The following SPATA13 variants were observed in gnomAD, a reference collection of about 807,000 sequenced individuals.
SPATA13 encodes spermatogenesis associated 13.
In SPATA13, 50 loss-of-function variants were observed where a neutral mutation model predicts 104.0. That is an observed-to-expected ratio of 0.48 (90% CI 0.38 to 0.61). The LOEUF is 0.61. Among genes scored for constraint, SPATA13 ranks in the 20% least tolerant of loss-of-function variants. The pLI is 0.00. For synonymous variants in SPATA13, 606 were observed against 667.5 expected (o/e 0.91, Z 1.42); for missense variants, 1,524 against 1,690.6 (o/e 0.90, Z 1.73).
intron 3 of SPATA13, among the ~76,000 whole-genome samples, chr13:24,055,869 G>A (rs1294699496): frequency 7.9e-5 from 12 of 152,346 alleles, no homozygotes; most frequent in African/African-American, 2.9e-4. Flanking sequence ...ACCACCGCAC[G>A]GGTCCAGAAT....
At chr13:24,041,625 A>C (rs931182652) in intron 3 of SPATA13, among the ~76,000 whole-genome samples, 5 of 152,174 alleles carry the variant, frequency 3.3e-5, no homozygotes, top group Non-Finnish European at 7.3e-5. Flanking sequence ...TTTTCTTTTC[A>C]TTCTTTTTCT....
intron 3 of SPATA13, among the ~76,000 whole-genome samples, chr13:24,086,881 G>C (rs567250517): frequency 6.6e-6 from 1 of 152,152 alleles, no homozygotes; most frequent in Non-Finnish European, 1.5e-5. Context: ...GTGGAGCAGC[G>C]AGGTCAGAGG....
chr13:24,213,310 A>C (rs986179736), intron 1 of SPATA13, among the ~76,000 whole-genome samples: 3 of 152,200 alleles, frequency 2.0e-5, no homozygotes, highest in African/African-American at 7.2e-5. Flanking sequence ...TCTGAAACCC[A>C]GGCTGGAGTG....
chr13:24,132,109 C>T (rs1198125047), intron 3 of SPATA13, among the ~76,000 whole-genome samples: 1 of 152,188 alleles, frequency 6.6e-6, no homozygotes, highest in East Asian at 1.9e-4. Context: ...TTTCCCTTTG[C>T]CCTTCTCCCT....
At chr13:23,982,269 C>T (rs1219220355) in intron 1 of SPATA13, among the ~76,000 whole-genome samples, 2 of 152,196 alleles carry the variant, frequency 1.3e-5, no homozygotes, top group Non-Finnish European at 2.9e-5. Context: ...GCTGGTCCTG[C>T]ATGAAGACTT....
intron 1 of SPATA13, among the ~76,000 whole-genome samples, chr13:24,199,325 C>G (rs1023869798): frequency 2.0e-5 from 3 of 152,280 alleles, no homozygotes; most frequent in African/African-American, 7.2e-5. Context: ...TGCTAGATGG[C>G]CTGTTCTCTG....
intron 10 of SPATA13, among the ~76,000 whole-genome samples, chr13:24,296,761 C>T (rs938923367): frequency 2.0e-5 from 3 of 151,960 alleles, no homozygotes; most frequent in Admixed American, 6.6e-5. Flanking sequence ...CTAGGAAGAC[C>T]CCTCAGCTAA....
intron 2 of SPATA13, among the ~76,000 whole-genome samples, chr13:24,229,368 T>C (rs1171750279): frequency 2.0e-5 from 3 of 152,188 alleles, no homozygotes; most frequent in Non-Finnish European, 2.9e-5. Context: ...CCTGGCTCTA[T>C]TATTAAAAGA....
At chr13:24,006,966 G>A (rs963704939) in intron 2 of SPATA13, among the ~76,000 whole-genome samples, 1 of 152,214 alleles carries the variant, frequency 6.6e-6, no homozygotes, top group East Asian at 1.9e-4. Context: ...TTCTGGGCCA[G>A]CCTCCCCCAT....
chr13:24,281,652 G>A (rs2138722569), intron 4 of SPATA13, among the ~76,000 whole-genome samples: 1 of 152,262 alleles, frequency 6.6e-6, no homozygotes, highest in South Asian at 2.1e-4. Context: ...CTCTGAGAGG[G>A]GCACCCCAGG....
intron 2 of SPATA13, among the ~76,000 whole-genome samples, chr13:24,247,350 A>G (rs1873194149): frequency 6.6e-6 from 1 of 152,064 alleles, no homozygotes; most frequent in South Asian, 2.1e-4. Flanking sequence ...CTTTGTTGCC[A>G]CTGATTAACT....
chr13:24,293,230 GAA>G (rs528492219), intron 9 of SPATA13, among the ~76,000 whole-genome samples: 2 of 130,630 alleles, frequency 1.5e-5, no homozygotes, highest in Admixed American at 7.7e-5. Flanking sequence ...AAGTTCAGTG[GAA>G]AAAAAAAAAC....
intron 3 of SPATA13, among the ~76,000 whole-genome samples, chr13:24,146,846 C>T (rs1881948461): frequency 6.6e-6 from 1 of 152,152 alleles, no homozygotes. Context: ...TTCTTTACCA[C>T]CGCATCCGTC....
intron 1 of SPATA13, among the ~76,000 whole-genome samples, chr13:24,188,981 C>A (rs1869336480): frequency 1.3e-5 from 2 of 152,064 alleles, no homozygotes; most frequent in African/African-American, 4.8e-5. Context: ...TATTTTTAGC[C>A]CACTGTTGAG....
At chr13:24,113,807 G>A (rs1880729859) in intron 3 of SPATA13, among the ~76,000 whole-genome samples, 1 of 144,104 alleles carries the variant, frequency 6.9e-6, no homozygotes, top group Non-Finnish European at 1.5e-5. Context: ...GAGTTGGAGG[G>A]TACAGTGAGC....
At chr13:24,264,246 G>A (rs1278190223) in intron 4 of SPATA13, among the ~76,000 whole-genome samples, 1 of 152,088 alleles carries the variant, frequency 6.6e-6, no homozygotes, top group Non-Finnish European at 1.5e-5. Flanking sequence ...AATATCGTCT[G>A]TCTTATTACT....
At chr13:24,020,752 A>T (rs1004568033) in intron 3 of SPATA13, among the ~76,000 whole-genome samples, 2 of 152,196 alleles carry the variant, frequency 1.3e-5, no homozygotes, top group Non-Finnish European at 2.9e-5. Context: ...GCATAAAAAT[A>T]AATAATTTGG....
At position 24,283,964 on chromosome 13, in the gene SPATA13, A is replaced by T. The variant is rs141081431; in HGVS notation, c.2165-171A>T. On this transcript the variant is annotated intron_variant, in intron 4 of 12. Transcript: ENST00000382108. ...CACCTCTCACTTAATGTCACACTTA[A>T]CTGCAGCTCTTAACTTTGGAGTAAT... Among the ~76,000 whole-genome samples, 2,696 of 152,290 alleles carry T rather than the reference A, an allele frequency of 0.018. 49 individuals are homozygous for T. Among genetic ancestry groups the T allele is most frequent in the Non-Finnish European group, 0.031 (2,104 of 68,022 alleles).
chr13:24,019,095 T>TTTA (rs1555254616), intron 3 of SPATA13, among the ~76,000 whole-genome samples: 11 of 141,168 alleles, frequency 7.8e-5, no homozygotes, highest in Non-Finnish European at 1.2e-4. Flanking sequence ...TTATTATTAT[T>TTTA]TTTTTTTTTT....
Sources: allele counts gnomAD v4.1 joint callset (sites outside exome capture counted in the v4.1 genomes callset), GRCh38; gene constraint gnomAD v4.1.1; transcripts MANE v1.5; gene names NCBI Gene and HGNC (gene_info 2026-07-23, HGNC 2026-07-21).